ACOX3: variants seen among roughly 807,000 people sequenced by gnomAD.
ACOX3 encodes peroxisomal acyl-coenzyme A oxidase 3.
Under a neutral mutation model 81.5 loss-of-function variants are expected in ACOX3, and 73 were observed. The observed-to-expected ratio is 0.90, with a 90% CI of 0.74 to 1.09. ACOX3 has a LOEUF of 1.09. Among genes scored for constraint, ACOX3 ranks in the 50% least tolerant of loss-of-function variants. ACOX3 has a pLI of 0.00. For synonymous variants in ACOX3, 387 were observed against 375.1 expected, an observed-to-expected ratio of 1.03 and a Z score of -0.37; for missense variants, 947 against 928.0, an observed-to-expected ratio of 1.02 and a Z score of -0.27.
In ACOX3 at chr4:8,415,970, G is replaced by A; in HGVS notation, c.174C>T (p.Asp58=). The A allele has an allele frequency of 1.2e-6, 2 of 1,614,210 alleles. No homozygotes were observed. The highest frequency in any genetic ancestry group is 1.7e-6 in the Non-Finnish European group (2 of 1,180,042). Residue 58 remains aspartate, a synonymous_variant, in exon 3 of 18, where the codon GAC becomes GAT. Transcript: ENST00000356406. Reference sequence around the variant, plus strand: ...CTCCAGGGGAACGAGCGAAAAGAGGGTCATTCTCAAGAGCTGAGAAGATGG... The same window carrying A: ...CTCCAGGGGAACGAGCGAAAAGAGGATCATTCTCAAGAGCTGAGAAGATGG... The part of the protein sequence containing the change: ...KKTIFSALEN[D]PLFARSPGAD...
intron 14 of ACOX3, among the ~76,000 whole-genome samples, chr4:8,375,678 C>T (rs1716880045): frequency 6.6e-6 from 1 of 152,246 alleles, no homozygotes. Flanking sequence ...CTCCCCCTGC[C>T]GTAAGGCCCC....
In ACOX3 at chr4:8,407,009, T is replaced by C. The variant is rs376396071; in HGVS notation, c.688-966A>G. Among the ~76,000 whole-genome samples, 16 of 152,226 alleles carry C rather than the reference T, an allele frequency of 1.1e-4. No homozygotes were observed. The East Asian group carries it at 2.9e-3, about 28-fold the overall frequency. ...TCCCAGTCTGCTAAGTAGCAGGTGT[T>C]TTTCCTTGACACTTATGCTACCGCT... is the stretch of plus-strand genomic sequence containing the variant. On this transcript the variant is annotated intron_variant, in intron 6 of 17. Transcript: ENST00000356406. This position sits in a 1 kb window ranked among gnomAD's most constrained non-coding sequence, Gnocchi z 4.6.
chr4:8,362,720 A>C (rs1251343816), downstream of ACOX3, among the ~76,000 whole-genome samples: 2 of 152,236 alleles, frequency 1.3e-5, no homozygotes, highest in Non-Finnish European at 2.9e-5. Flanking sequence ...TGACAGGTCC[A>C]GTAGCCCCAA....
At chr4:8,411,259 T>C (rs777698181) in intron 5 of ACOX3, among the ~76,000 whole-genome samples, 9 of 152,238 alleles carry the variant, frequency 5.9e-5, no homozygotes, top group African/African-American at 2.2e-4. Flanking sequence ...CAGTCACTGC[T>C]AGGGGCTGTC....
rs73087789 is a variant in ACOX3 at position 8,420,763 on chromosome 4, C to T, written c.-14-4228G>A. On this transcript the variant is annotated intron_variant, in intron 1 of 17. Transcript: ENST00000356406. ...CTTGCTGTCCACCACTGCTGATCATCGCCATCGCAGACCCACCACTGACTT... is the reference window on the plus strand; with the variant it reads ...CTTGCTGTCCACCACTGCTGATCATTGCCATCGCAGACCCACCACTGACTT... 6.1e-3 allele frequency among the ~76,000 whole-genome samples: 928 copies of T among 152,316 alleles called. 7 individuals are homozygous for T. Among genetic ancestry groups the T allele is most frequent in the African/African-American group, 0.021 (887 of 41,556 alleles).
intron 7 of ACOX3, among the ~76,000 whole-genome samples, chr4:8,402,404 G>A (rs1220258626): frequency 1.3e-5 from 2 of 152,198 alleles, no homozygotes; most frequent in African/African-American, 2.4e-5. Flanking sequence ...ACCCCACCTC[G>A]TGAGAAAAAC....
intron 16 of ACOX3, among the ~76,000 whole-genome samples, chr4:8,371,992 C>T (rs1338631676): frequency 6.6e-5 from 10 of 152,350 alleles, no homozygotes; most frequent in East Asian, 5.8e-4. Flanking sequence ...GCAACTTCTC[C>T]ACCTGGCTGA....
chr4:8,356,601 G>A, the ACOX3 span: 1 of 456,292 alleles, frequency 2.2e-6, no homozygotes, highest in African/African-American at 2.0e-5. Flanking sequence ...TGTGCAGAAT[G>A]GTGTACGCTA....
chr4:8,424,504 G>C (rs973376209), intron 1 of ACOX3, among the ~76,000 whole-genome samples: 1 of 152,210 alleles, frequency 6.6e-6, no homozygotes, highest in African/African-American at 2.4e-5. Context: ...TTGTTTATGG[G>C]TAATGGCAGC....
rs1158148862 is a variant in ACOX3 at position 8,382,930 on chromosome 4, G to A, written c.1538-1323C>T. On this transcript the variant is annotated intron_variant, in intron 13 of 17. Coordinates refer to ENST00000356406, the MANE Select transcript of ACOX3 (RefSeq NM_003501.3). This position sits in a 1 kb window ranked among gnomAD's most constrained non-coding sequence, Gnocchi z 4.1. ...TGGCGTGAACCCGGGAGGCGGAGTT[G>A]CAGTGAGCCGAGATCGCGCCACTGC... is the stretch of plus-strand genomic sequence containing the variant. Among the ~76,000 whole-genome samples the A allele has an allele frequency of 6.8e-6, 1 of 147,896 alleles. No homozygotes were observed. The highest frequency in any genetic ancestry group is 1.5e-5 in the Non-Finnish European group (1 of 67,488).
chr4:8,437,393 A>G lies in ACOX3; in HGVS notation c.-15+3255T>C, dbSNP rs931962977. On this transcript the variant is annotated intron_variant, in intron 1 of 17. Coordinates refer to ENST00000356406, the MANE Select transcript of ACOX3 (RefSeq NM_003501.3). This position sits in a 1 kb window ranked among gnomAD's most constrained non-coding sequence, Gnocchi z 5.2. The stretch of plus-strand genomic sequence containing the variant: ...GGCTAGAGACCGGTGCCAAGAGAAG[A>G]GCAAAACAAAAAGAAAGACTCACAG... Among the ~76,000 whole-genome samples the G allele has an allele frequency of 6.6e-6, 1 of 152,138 alleles. No homozygotes were observed. The highest frequency in any genetic ancestry group is 1.5e-5 in the Non-Finnish European group (1 of 68,026).
downstream of ACOX3, among the ~76,000 whole-genome samples, chr4:8,365,032 C>G (rs1388697430): frequency 6.6e-6 from 1 of 152,136 alleles, no homozygotes; most frequent in Non-Finnish European, 1.5e-5. Context: ...GTAAAGGAGC[C>G]GTCCACACAC....
chr4:8,427,452 C>T (rs926904339), intron 1 of ACOX3, among the ~76,000 whole-genome samples: 27 of 152,214 alleles, frequency 1.8e-4, no homozygotes, highest in Admixed American at 1.1e-3. Flanking sequence ...ACTTCCACCC[C>T]CCTCCAGATC....
chr4:8,412,256 C>T (rs1194789948), intron 5 of ACOX3, among the ~76,000 whole-genome samples: 1 of 152,262 alleles, frequency 6.6e-6, no homozygotes, highest in African/African-American at 2.4e-5. Context: ...AGCCTTGGCC[C>T]CACTCCCAAG....
chr4:8,406,281 C>G lies in ACOX3; in HGVS notation c.688-238G>C, dbSNP rs766922064. Among the ~76,000 whole-genome samples, 1 of 152,194 alleles carries G rather than the reference C, an allele frequency of 6.6e-6. No homozygotes were observed. The highest frequency in any genetic ancestry group is 2.4e-5 in the African/African-American group (1 of 41,442). On this transcript the variant is annotated intron_variant, in intron 6 of 17. Transcript: ENST00000356406. The surrounding 1 kb of genome is among the most constrained non-coding windows in gnomAD (Gnocchi z 5.6). Reference sequence around the variant, plus strand: ...TTTAAGAGCATCAAGATAAGGTCATCCCAAATCACCCAGGTGGGCCCTAAA... The same window carrying G: ...TTTAAGAGCATCAAGATAAGGTCATGCCAAATCACCCAGGTGGGCCCTAAA...
chr4:8,406,138 G>T lies in ACOX3; in HGVS notation c.688-95C>A. 8.3e-7 allele frequency: 1 copy of T among 1,205,358 alleles called. No individual in the cohort carries two copies. Among genetic ancestry groups the T allele is most frequent in the South Asian group, 1.2e-5 (1 of 82,312 alleles). 74.7% of individuals were successfully genotyped at this position (1,205,358 alleles called of 1,614,324 possible). ...CAGAAACCCACAGGGTGGGCCATGG[G>T]CTCAACGCTGGGCGGCTGTGGGTTA... On this transcript the variant is annotated intron_variant, in intron 6 of 17. Transcript: ENST00000356406. This position sits in a 1 kb window ranked among gnomAD's most constrained non-coding sequence, Gnocchi z 5.6.
At position 8,366,913 on chromosome 4, in the gene ACOX3, T is replaced by C; in HGVS notation, c.*48A>G. 6.2e-7 allele frequency: 1 copy of C among 1,607,242 alleles called. No individual in the cohort carries two copies. Among genetic ancestry groups the C allele is most frequent in the East Asian group, 2.2e-5 (1 of 44,564 alleles). On this transcript the variant is annotated 3_prime_UTR_variant, in exon 18 of 18. Coordinates refer to ENST00000356406, the MANE Select transcript of ACOX3 (RefSeq NM_003501.3). Reference sequence around the variant, plus strand: ...ATCAGAAGTTGAGGTCCACGTCTGATTAGTTCCCTTCGTTTCATTAGACTT... The same window carrying C: ...ATCAGAAGTTGAGGTCCACGTCTGACTAGTTCCCTTCGTTTCATTAGACTT...
intron 14 of ACOX3, among the ~76,000 whole-genome samples, chr4:8,380,120 T>A (rs1717452689): frequency 6.6e-6 from 1 of 151,800 alleles, no homozygotes; most frequent in African/African-American, 2.4e-5. Flanking sequence ...GGCCCTAAAC[T>A]ACAAGTTTTA....
rs1719425574 is a variant in ACOX3, at chr4:8,394,379, C to T, written c.1179+241G>A. On this transcript the variant is annotated intron_variant, in intron 10 of 17. Coordinates refer to ENST00000356406, the MANE Select transcript of ACOX3 (RefSeq NM_003501.3). The surrounding 1 kb of genome is among the most constrained non-coding windows in gnomAD (Gnocchi z 5.9). ...TCTCAAAAGGAGACCAACAGCTGAACTCACAGACTGGAACCGGGAGTCGTG... is the reference window on the plus strand; with the variant it reads ...TCTCAAAAGGAGACCAACAGCTGAATTCACAGACTGGAACCGGGAGTCGTG... Among the ~76,000 whole-genome samples the T allele has an allele frequency of 6.6e-6, 1 of 152,222 alleles. No homozygotes were observed. The highest frequency in any genetic ancestry group is 1.5e-5 in the Non-Finnish European group (1 of 68,038).
Sources: gnomAD v4.1 joint callset for allele counts (sites outside exome capture counted in the v4.1 genomes callset) on GRCh38, gnomAD v4.1.1 for gene constraint, Gnocchi (gnomAD v3.1) non-coding constraint, MANE v1.5 for transcripts, NCBI Gene and HGNC (gene_info 2026-07-23, HGNC 2026-07-21) for gene names.